The following PRKCE variants were observed in gnomAD, a reference collection of about 807,000 sequenced individuals.
PRKCE encodes the protein protein kinase C epsilon, also known as protein kinase C epsilon type.
Under a neutral mutation model 85.4 loss-of-function variants are expected in PRKCE, and 16 were observed. That is an observed-to-expected ratio of 0.19 (90% CI 0.13 to 0.28). The LOEUF (loss-of-function observed/expected upper bound fraction) is 0.28, where lower values mean the gene tolerates loss of function less well. PRKCE is among the 10% of genes least tolerant of loss of function. The probability of loss-of-function intolerance (pLI) is 1.00; values close to 1 mark genes in which losing one functional copy is unlikely to be tolerated. For missense variants in PRKCE, 573 were observed against 975.2 expected, an observed-to-expected ratio of 0.59 and a Z score of 5.49; for synonymous variants, 388 against 371.5, an observed-to-expected ratio of 1.04 and a Z score of -0.51.
Position 45,858,129 on chromosome 2 carries a change from C to G in PRKCE, c.412+15066C>G, listed in dbSNP as rs114175699. On this transcript the variant is annotated intron_variant, in intron 2 of 14. Coordinates refer to ENST00000306156, the MANE Select transcript of PRKCE (RefSeq NM_005400.3). Reference sequence around the variant, plus strand: ...GAGTGGCTGGAGCTTAGAAGACAGACTTCACCTGCTTAATTACAGATGTTG... The same window carrying G: ...GAGTGGCTGGAGCTTAGAAGACAGAGTTCACCTGCTTAATTACAGATGTTG... Among the ~76,000 whole-genome samples, 711 of 152,334 alleles carry G rather than the reference C, an allele frequency of 4.7e-3. 5 individuals carry two copies. The highest frequency in any genetic ancestry group is 0.01 in the Middle Eastern group (3 of 294).
At chr2:46,066,396 A>G (rs1337237605) in intron 10 of PRKCE, among the ~76,000 whole-genome samples, 3 of 152,152 alleles carry the variant, frequency 2.0e-5, no homozygotes, top group Non-Finnish European at 4.4e-5. Context: ...TTATGAATGA[A>G]AATAGATAGG....
chr2:46,097,660 C>A (rs1408997141), intron 11 of PRKCE, among the ~76,000 whole-genome samples: 1 of 152,184 alleles, frequency 6.6e-6, no homozygotes, highest in Non-Finnish European at 1.5e-5. Context: ...AAGAAGCTGC[C>A]TTTGGAAATG....
At chr2:45,898,726 A>G (rs10201568) in intron 2 of PRKCE, among the ~76,000 whole-genome samples, 54,105 of 152,006 alleles carry the variant, frequency 0.36, 10,254 homozygotes, top group East Asian at 0.55. Context: ...ATAGAGGAGT[A>G]GAGAGAGGGA....
intron 1 of PRKCE, among the ~76,000 whole-genome samples, chr2:45,719,469 G>A (rs1680428030): frequency 6.6e-6 from 1 of 152,196 alleles, no homozygotes; most frequent in Non-Finnish European, 1.5e-5. Context: ...TGGACCACGG[G>A]AAGGACTGTT....
At chr2:45,812,249 T>A (rs929189378) in intron 1 of PRKCE, among the ~76,000 whole-genome samples, 2 of 152,242 alleles carry the variant, frequency 1.3e-5, no homozygotes, top group African/African-American at 4.8e-5. Context: ...GTGAAAAATG[T>A]AAAGCATCGC....
chr2:45,944,824 C>T (rs563145770), intron 2 of PRKCE, among the ~76,000 whole-genome samples: 108 of 152,100 alleles, frequency 7.1e-4, no homozygotes, highest in African/African-American at 2.4e-3. Flanking sequence ...AAAACAAAAA[C>T]ACAAAAACCT....
intron 2 of PRKCE, among the ~76,000 whole-genome samples, chr2:45,946,362 C>T (rs750898542): frequency 3.3e-5 from 5 of 152,220 alleles, no homozygotes; most frequent in Middle Eastern, 3.4e-3. Flanking sequence ...ATTTATGATA[C>T]GGTTTATAAA....
rs2034360 is a variant in PRKCE at position 46,159,159 on chromosome 2, C to T, written c.1921-447C>T. 0.84 allele frequency among the ~76,000 whole-genome samples: 127,849 copies of T among 152,134 alleles called. 53,818 individuals are homozygous for T. The highest frequency in any genetic ancestry group is 0.97 in the East Asian group (4,993 of 5,170). Reference sequence around the variant, plus strand: ...CCTTATTCCTTATCTCAAAAAGGACCGTTGACCCCTCCATGTAAATGAGTT... The same window carrying T: ...CCTTATTCCTTATCTCAAAAAGGACTGTTGACCCCTCCATGTAAATGAGTT... On this transcript the variant is annotated intron_variant, in intron 13 of 14. Transcript: ENST00000306156. The surrounding 1 kb of genome is among the most constrained non-coding windows in gnomAD (Gnocchi z 4.1).
At chr2:45,965,268 A>G (rs1275540882) in intron 2 of PRKCE, among the ~76,000 whole-genome samples, 2 of 152,244 alleles carry the variant, frequency 1.3e-5, no homozygotes, top group Non-Finnish European at 2.9e-5. Context: ...TATTTACACA[A>G]TATTTAAAAC....
chr2:45,712,567 AG>A (rs750645144), intron 1 of PRKCE, among the ~76,000 whole-genome samples: 6 of 152,162 alleles, frequency 3.9e-5, no homozygotes, highest in Admixed American at 6.5e-5. Context: ...CTCCTTGGCA[AG>A]GCCCATGAAG....
chr2:46,180,098 C>T (rs1255440460), intron 14 of PRKCE, among the ~76,000 whole-genome samples: 5 of 152,136 alleles, frequency 3.3e-5, no homozygotes, highest in African/African-American at 1.2e-4. Context: ...AAAGAAGAGG[C>T]CTCCTCAGTG....
At position 45,884,984 on chromosome 2, in the gene PRKCE, TA is replaced by T. The variant is rs55687633; in HGVS notation, c.412+41922del. ...ATATATATATATATATATATATATA[TA>T]TATATATATATATATATTTGTTGTT... On this transcript the variant is annotated intron_variant, in intron 2 of 14. Transcript: ENST00000306156. Among the ~76,000 whole-genome samples, 269 of 77,096 alleles carry T rather than the reference TA, an allele frequency of 3.5e-3. 13 individuals carry two copies. The highest frequency in any genetic ancestry group is 7.4e-3 in the South Asian group (9 of 1,214). 50.6% of individuals were successfully genotyped at this position (77,096 alleles called of 152,430 possible).
intron 1 of PRKCE, among the ~76,000 whole-genome samples, chr2:45,832,334 A>G (rs1249997455): frequency 7.5e-6 from 1 of 132,968 alleles, no homozygotes; most frequent in Non-Finnish European, 1.6e-5. Flanking sequence ...TTTTTTTGAG[A>G]CAGAGTCTCA....
At chr2:46,142,587 G>C (rs1204950056) in intron 11 of PRKCE, among the ~76,000 whole-genome samples, 1 of 152,232 alleles carries the variant, frequency 6.6e-6, no homozygotes, top group African/African-American at 2.4e-5. Context: ...TCATAGCCAA[G>C]GGCAGCTGCT....
chr2:46,100,394 C>T (rs1021628604), intron 11 of PRKCE, among the ~76,000 whole-genome samples: 1 of 152,198 alleles, frequency 6.6e-6, no homozygotes, highest in Non-Finnish European at 1.5e-5. Context: ...TTTGGGGGAT[C>T]TGATGTTGCC....
rs369554496 is a variant in PRKCE, at chr2:46,003,083, G to A, written c.967-1459G>A. The stretch of plus-strand genomic sequence containing the variant: ...CAGGGTGGAAGGCTGAGGGACTGTA[G>A]TCCTGATATTTTTATTGCTGGGATG... On this transcript the variant is annotated intron_variant, in intron 7 of 14. Coordinates refer to ENST00000306156, the MANE Select transcript of PRKCE (RefSeq NM_005400.3). 1.2e-4 allele frequency among the ~76,000 whole-genome samples: 18 copies of A among 152,344 alleles called. 2 individuals carry two copies. The highest frequency in any genetic ancestry group is 4.3e-4 in the African/African-American group (18 of 41,568).
intron 1 of PRKCE, among the ~76,000 whole-genome samples, chr2:45,835,560 T>G (rs538177986): frequency 6.6e-6 from 1 of 152,064 alleles, no homozygotes; most frequent in African/African-American, 2.4e-5. Context: ...TTCTTTCACA[T>G]AGCATCCATG....
rs1429823209 is a variant in PRKCE, at chr2:46,155,505, T to G, written c.1921-4101T>G. On this transcript the variant is annotated intron_variant, in intron 13 of 14. Coordinates refer to ENST00000306156, the MANE Select transcript of PRKCE (RefSeq NM_005400.3). This position sits in a 1 kb window ranked among gnomAD's most constrained non-coding sequence, Gnocchi z 4.7. The stretch of plus-strand genomic sequence containing the variant: ...TTCCCACCCTGCACTCAGGGAGGGG[T>G]ATCCCCAGCCAGACCCATCTTCCAG... Among the ~76,000 whole-genome samples the G allele has an allele frequency of 6.6e-6, 1 of 151,976 alleles. No individual in the cohort carries two copies. Among genetic ancestry groups the G allele is most frequent in the East Asian group, 1.9e-4 (1 of 5,172 alleles).
intron 1 of PRKCE, among the ~76,000 whole-genome samples, chr2:45,716,654 G>A (rs1424069643): frequency 1.6e-4 from 22 of 139,022 alleles, no homozygotes; most frequent in African/African-American, 5.9e-4. Context: ...GAAGAAGAAG[G>A]AGAAGGAGAA....
Sources: allele counts gnomAD v4.1 joint callset (sites outside exome capture counted in the v4.1 genomes callset), GRCh38; gene constraint gnomAD v4.1.1; non-coding constraint Gnocchi (gnomAD v3.1); transcripts MANE v1.5; gene names NCBI Gene and HGNC (gene_info 2026-07-23, HGNC 2026-07-21).